LEPR: variants seen among roughly 807,000 people sequenced by gnomAD.
LEPR encodes OB receptor.
A neutral mutation model predicts 114.7 loss-of-function variants in LEPR; 56 were observed. The observed-to-expected ratio is 0.49, with a 90% confidence interval of 0.39 to 0.61. The LOEUF is 0.61. Ranked by LOEUF, LEPR falls within the 20% of genes least tolerant of loss-of-function variation. LEPR has a pLI of 0.00. For synonymous variants in LEPR, 443 were observed against 461.4 expected (o/e 0.96, Z 0.51); for missense variants, 1,202 against 1,352.9 (o/e 0.89, Z 1.75).
chr1:65,612,051 G>A (rs545950523), intron 14 of LEPR, among the ~76,000 whole-genome samples: 1 of 152,046 alleles, frequency 6.6e-6, no homozygotes, highest in Non-Finnish European at 1.5e-5. Context: ...GTGCTGTTTT[G>A]TTGTGTTTTC....
intron 2 of LEPR, among the ~76,000 whole-genome samples, chr1:65,543,169 T>C (rs1490447393): frequency 2.0e-5 from 3 of 152,046 alleles, no homozygotes; most frequent in Non-Finnish European, 4.4e-5. Context: ...TGACATCAGA[T>C]GGTATCTCAT....
rs564476616 is a variant in LEPR at position 65,511,990 on chromosome 1, TCTG to T, written c.-20-53553_-20-53551del. Among the ~76,000 whole-genome samples, 20 of 152,292 alleles carry T rather than the reference TCTG, an allele frequency of 1.3e-4. No individual in the cohort carries two copies. In the South Asian group the frequency reaches 4.1e-3, roughly 32 times the overall value. The stretch of plus-strand genomic sequence containing the variant: ...AGACTGTACAGGAAGCGTAGTGACT[TCTG>T]CTTCTGGGGACGCCTCAGGAAGCTT... On this transcript the variant is annotated intron_variant, in intron 2 of 19. Coordinates refer to ENST00000349533, the MANE Select transcript of LEPR (RefSeq NM_002303.6).
At chr1:65,521,465 T>C (rs1340741055) in intron 2 of LEPR, among the ~76,000 whole-genome samples, 2 of 152,176 alleles carry the variant, frequency 1.3e-5, no homozygotes, top group Non-Finnish European at 2.9e-5. Context: ...GATTAGTGTT[T>C]GATTATGTAA....
chr1:65,602,066 G>C, intron 10 of LEPR, 106 bp downstream of exon 10: 1 of 1,016,490 alleles, frequency 9.8e-7, no homozygotes, highest in Non-Finnish European at 1.6e-6. Flanking sequence ...CTTCCTGAAA[G>C]AGGAAAGTAT....
rs75699987 is a variant in LEPR, at chr1:65,515,239, G to A, written c.-20-50307G>A. Among the ~76,000 whole-genome samples, 41 of 152,258 alleles carry A rather than the reference G, an allele frequency of 2.7e-4. No homozygotes were observed. In the East Asian group the frequency reaches 5.6e-3, roughly 21 times the overall value. ...GTCACTGTGAGTTCTCTGCTGAAGC[G>A]GAAGAAAACACTGGTAAATTAAGTT... On this transcript the variant is annotated intron_variant, in intron 2 of 19. Coordinates refer to ENST00000349533, the MANE Select transcript of LEPR (RefSeq NM_002303.6).
At chr1:65,526,179 C>T (rs1649953486) in intron 2 of LEPR, 1 of 984,394 alleles carries the variant, frequency 1.0e-6, no homozygotes, top group Non-Finnish European at 1.2e-6. Context: ...GAAGGGACTG[C>T]CACCTAAAAC....
At chr1:65,622,793 C>T (rs546309523) in intron 18 of LEPR, 113 bp from the exon 19 acceptor site, 39 of 1,066,020 alleles carry the variant, frequency 3.7e-5, no homozygotes, top group Admixed American at 6.1e-5. Context: ...TCTGACCCTA[C>T]GGAGGCATAG....
chr1:65,626,105 T>C (rs1228713805), intron 19 of LEPR: 2 of 1,609,942 alleles, frequency 1.2e-6, no homozygotes, highest in Non-Finnish European at 1.7e-6. Flanking sequence ...TGCAGCAAAT[T>C]ATTTTTCCCT....
At chr1:65,537,630 A>T (rs1425694040) in intron 2 of LEPR, among the ~76,000 whole-genome samples, 1 of 152,052 alleles carries the variant, frequency 6.6e-6, no homozygotes, top group Non-Finnish European at 1.5e-5. Context: ...AACTACAGAC[A>T]GTTTCTCTTG....
chr1:65,550,941 T>G (rs1443588255), intron 2 of LEPR, among the ~76,000 whole-genome samples: 1 of 152,036 alleles, frequency 6.6e-6, no homozygotes, highest in Non-Finnish European at 1.5e-5. Flanking sequence ...ACCAGAGCTG[T>G]TCCTATTCGG....
chr1:65,564,876 A>G (rs1653615165), intron 2 of LEPR, among the ~76,000 whole-genome samples: 1 of 152,230 alleles, frequency 6.6e-6, no homozygotes, highest in African/African-American at 2.4e-5. Context: ...ATGACATAGT[A>G]GTACAAATAA....
chr1:65,421,390 G>A (rs756553305), intron 1 of LEPR: 215 of 1,535,936 alleles, frequency 1.4e-4, no homozygotes, highest in Non-Finnish European at 1.7e-4. Context: ...AAAACACCGC[G>A]TCCCTTATCT....
At position 65,633,505 on chromosome 1, in the gene LEPR, A is replaced by G. The variant is rs993656091; in HGVS notation, c.2674-2686A>G. 4.1e-5 allele frequency: 46 copies of G among 1,122,846 alleles called. No individual in the cohort carries two copies. The African/African-American group carries it at 6.1e-4, about 15-fold the overall frequency. 69.6% of individuals were successfully genotyped at this position (1,122,846 alleles called of 1,614,324 possible). ...AAATTATGGCTGTTGCTGTCATTAC[A>G]TATCTATTAAATGTCATCAAATATG... On this transcript the variant is annotated intron_variant, in intron 19 of 19. Transcript: ENST00000349533. This position sits in a 1 kb window ranked among gnomAD's most constrained non-coding sequence, Gnocchi z 4.1.
At chr1:65,553,498 G>T (rs1268232852) in intron 2 of LEPR, among the ~76,000 whole-genome samples, 1 of 151,764 alleles carries the variant, frequency 6.6e-6, no homozygotes, top group East Asian at 1.9e-4. Flanking sequence ...TCTTCCGCTT[G>T]TTCAATTTGG....
chr1:65,430,455 A>C (rs1425501562), intron 2 of LEPR, among the ~76,000 whole-genome samples: 2 of 152,220 alleles, frequency 1.3e-5, no homozygotes, highest in Non-Finnish European at 1.5e-5. Flanking sequence ...TAATAGGTAT[A>C]TGTTGAGGGA....
At chr1:65,439,929 A>G (rs1044088746) in intron 2 of LEPR, among the ~76,000 whole-genome samples, 2 of 135,908 alleles carry the variant, frequency 1.5e-5, no homozygotes, top group Admixed American at 1.7e-4. Flanking sequence ...TTGAACCCGG[A>G]GGCGGAGGTT....
intron 14 of LEPR, among the ~76,000 whole-genome samples, chr1:65,613,127 T>G (rs1657282587): frequency 6.6e-6 from 1 of 152,232 alleles, no homozygotes; most frequent in African/African-American, 2.4e-5. Context: ...ATTTATTCAA[T>G]CATTTATTTA....
intron 2 of LEPR, among the ~76,000 whole-genome samples, chr1:65,548,520 A>G (rs1309397757): frequency 6.6e-6 from 1 of 152,140 alleles, no homozygotes; most frequent in African/African-American, 2.4e-5. Context: ...TATTTAAGAT[A>G]GTTAGCTCTT....
intron 2 of LEPR, among the ~76,000 whole-genome samples, chr1:65,522,370 T>C (rs1649676595): frequency 6.6e-6 from 1 of 152,148 alleles, no homozygotes; most frequent in Non-Finnish European, 1.5e-5. Flanking sequence ...ATTTTCCCAT[T>C]TACTTGGGCA....
Sources: allele counts gnomAD v4.1 joint callset (sites outside exome capture counted in the v4.1 genomes callset), GRCh38; gene constraint gnomAD v4.1.1; non-coding constraint Gnocchi (gnomAD v3.1); transcripts MANE v1.5; gene names NCBI Gene and HGNC (gene_info 2026-07-23, HGNC 2026-07-21).